Variants in FANCI observed in about 807,000 individuals in gnomAD.
FANCI encodes the protein FA complementation group I.
FANCI carries 156 observed loss-of-function variants against 176.1 expected under a neutral mutation model. The ratio of observed to expected loss-of-function variants is 0.89; its 90% CI spans 0.78 to 1.01. The LOEUF (loss-of-function observed/expected upper bound fraction) is 1.01. Among genes scored for constraint, FANCI ranks in the 50% least tolerant of loss-of-function variants. The pLI, the probability that FANCI is intolerant of heterozygous loss-of-function variation, is 0.00. For synonymous variants in FANCI, 613 were observed against 541.7 expected, an observed-to-expected ratio of 1.13 and a Z score of -1.83; for missense variants, 1,678 against 1,534.1, an observed-to-expected ratio of 1.09 and a Z score of -1.57.
intron 9 of FANCI, among the ~76,000 whole-genome samples, chr15:89,264,950 G>T (rs2052876144): frequency 6.6e-6 from 1 of 152,162 alleles, no homozygotes; most frequent in Admixed American, 6.5e-5. Flanking sequence ...GTGAGAAGAG[G>T]AAAGAAAATA....
chr15:89,283,880 A>T (rs1006569197), intron 17 of FANCI, among the ~76,000 whole-genome samples: 1 of 151,540 alleles, frequency 6.6e-6, no homozygotes, highest in Admixed American at 6.6e-5. Context: ...CTCCTGCCTC[A>T]GCCTCCCGAG....
chr15:89,258,113 T>A (rs2052574244), intron 2 of FANCI, among the ~76,000 whole-genome samples: 1 of 152,182 alleles, frequency 6.6e-6, no homozygotes, highest in African/African-American at 2.4e-5. Context: ...ATATGCCAAG[T>A]TCTTTGCTGC....
chr15:89,258,253 C>A (rs1333888868), intron 2 of FANCI, among the ~76,000 whole-genome samples: 1 of 152,162 alleles, frequency 6.6e-6, no homozygotes, highest in African/African-American at 2.4e-5. Flanking sequence ...CTTCCCCTTA[C>A]TACCCTAGAG....
chr15:89,293,037 A>C lies in FANCI; in HGVS notation c.2265A>C (p.Glu755Asp). 1 of 1,613,872 alleles carries C rather than the reference A, an allele frequency of 6.2e-7. No individual in the cohort carries two copies. Among genetic ancestry groups the C allele is most frequent in the Non-Finnish European group, 8.5e-7 (1 of 1,179,910 alleles). ...TGGGAGTTTGTGAGGTTTTAATAGA[A>C]TACAATTTCTCCATAAGTAGTTTCA... ...LVMGVCEVLIEYNFSISSFSK... is the reference protein window; with the variant it reads ...LVMGVCEVLIDYNFSISSFSK... Residue 755 changes from glutamate (E) to aspartate (D), a missense_variant, in exon 22 of 38, where the codon GAA (glutamate) becomes GAC (aspartate). Around this residue, in one of 3 missense-constraint regions of FANCI, gnomAD observed 1,204 missense variants for 1,077.4 expected, o/e 1.12. Transcript: ENST00000310775.
At chr15:89,297,708 C>A (rs1388899924) in intron 24 of FANCI, among the ~76,000 whole-genome samples, 2 of 150,290 alleles carry the variant, frequency 1.3e-5, no homozygotes, top group Admixed American at 6.6e-5. Flanking sequence ...GCAGTACAGT[C>A]CAGCTTTGGC....
intron 18 of FANCI, among the ~76,000 whole-genome samples, chr15:89,285,669 A>ATATTT (rs1168395078): frequency 6.6e-6 from 1 of 152,170 alleles, no homozygotes; most frequent in Admixed American, 6.5e-5. Flanking sequence ...TAGACCTTAA[A>ATATTT]TATTTTATTT....
chr15:89,274,802 G>A (rs750281080), intron 12 of FANCI, among the ~76,000 whole-genome samples: 11 of 151,558 alleles, frequency 7.3e-5, no homozygotes, highest in Admixed American at 2.0e-4. Flanking sequence ...ACAGAGTTTC[G>A]CCATATTGCC....
chr15:89,303,654 T>TC (rs1248409753), intron 27 of FANCI, among the ~76,000 whole-genome samples: 2 of 152,226 alleles, frequency 1.3e-5, no homozygotes, highest in Non-Finnish European at 2.9e-5. Context: ...GACATAGACA[T>TC]TGAGAATTAA....
chr15:89,275,165 T>G (rs1405519172), intron 12 of FANCI, among the ~76,000 whole-genome samples: 1 of 145,918 alleles, frequency 6.9e-6, no homozygotes, highest in Non-Finnish European at 1.5e-5. Flanking sequence ...TGGGCTCAAC[T>G]GATCCTCCTG....
Position 89,316,983 on chromosome 15 carries a change from T to C in FANCI, c.*524T>C. ...AATGTTACATGTTAGGAGGGTCTGTTTTCTTTTTATATAAGTGTGTCTTAG... is the reference window on the plus strand; with the variant it reads ...AATGTTACATGTTAGGAGGGTCTGTCTTCTTTTTATATAAGTGTGTCTTAG... On this transcript the variant is annotated 3_prime_UTR_variant, in exon 38 of 38. Coordinates refer to ENST00000310775, the MANE Select transcript of FANCI (RefSeq NM_001113378.2). 1.5e-6 allele frequency: 1 copy of C among 670,796 alleles called. No homozygotes were observed. The highest frequency in any genetic ancestry group is 2.7e-6 in the Non-Finnish European group (1 of 370,330). The allele number at this position is 670,796 out of a possible 1,614,324, so 41.6% of individuals were successfully genotyped here. A position where few individuals can be genotyped will look rare whatever the true frequency, so the allele number is the denominator to read the frequency against.
intron 14 of FANCI, among the ~76,000 whole-genome samples, chr15:89,279,832 C>T (rs1469720654): frequency 1.3e-5 from 2 of 152,186 alleles, no homozygotes; most frequent in Non-Finnish European, 2.9e-5. Flanking sequence ...CCCAACCTCA[C>T]ATCCAGTGTC....
At chr15:89,283,056 C>A in intron 16 of FANCI, 80 bp from the exon 17 acceptor site, 2 of 1,370,070 alleles carry the variant, frequency 1.5e-6, no homozygotes, top group Non-Finnish European at 2.1e-6. Context: ...TCTCTGTATG[C>A]AACTAGCTGG....
rs547531636 is a variant in FANCI at position 89,279,234 on chromosome 15, T to C, written c.1381+460T>C. Among the ~76,000 whole-genome samples, 6 of 152,272 alleles carry C rather than the reference T, an allele frequency of 3.9e-5. No individual in the cohort carries two copies. The South Asian group carries it at 1.2e-3, about 32-fold the overall frequency. ...GTGCAGTGGCGCAATCTCAGCTCACTGCAACCTCTGCCTCCTGGGTTCACG... is the reference window on the plus strand; with the variant it reads ...GTGCAGTGGCGCAATCTCAGCTCACCGCAACCTCTGCCTCCTGGGTTCACG... On this transcript the variant is annotated intron_variant, in intron 14 of 37. Coordinates refer to ENST00000310775, the MANE Select transcript of FANCI (RefSeq NM_001113378.2).
chr15:89,284,766 C>A (rs2053751952), intron 17 of FANCI, among the ~76,000 whole-genome samples: 1 of 152,168 alleles, frequency 6.6e-6, no homozygotes, highest in African/African-American at 2.4e-5. Flanking sequence ...AAGTCTTAGA[C>A]CTTTTAAATA....
intron 2 of FANCI, among the ~76,000 whole-genome samples, chr15:89,250,436 T>C (rs1279260332): frequency 6.6e-6 from 1 of 151,096 alleles, no homozygotes; most frequent in Non-Finnish European, 1.5e-5. Context: ...CAGCAAACTA[T>C]CGCAAGGACA....
chr15:89,281,802 T>G lies in FANCI; in HGVS notation c.1550T>G (p.Leu517Trp), dbSNP rs2053624886. Residue 517 changes from leucine (L) to tryptophan (W), a missense_variant, in exon 16 of 38, where the codon TTG becomes TGG. By Grantham distance (61) the Leu-to-Trp change is moderately conservative. This residue lies in a region of FANCI where 1,204 missense variants were observed against 1,077.4 expected (regional missense o/e 1.12). Transcript: ENST00000310775. Reference sequence around the variant, plus strand: ...GTCAGCATGTCAATGAGAGACTGCTTGATACTTGTCCTTCGGAAAGCTATG... The same window carrying G: ...GTCAGCATGTCAATGAGAGACTGCTGGATACTTGTCCTTCGGAAAGCTATG... ...LKVSMSMRDC[L>W]ILVLRKAMFA... 6.2e-7 allele frequency: 1 copy of G among 1,613,836 alleles called. No homozygotes were observed. Among genetic ancestry groups the G allele is most frequent in the African/African-American group, 1.3e-5 (1 of 74,924 alleles).
chr15:89,276,425 C>G (rs1375239868), intron 12 of FANCI, among the ~76,000 whole-genome samples: 1 of 152,212 alleles, frequency 6.6e-6, no homozygotes, highest in Non-Finnish European at 1.5e-5. Context: ...ATGAACTTCT[C>G]ATCATGAAAT....
Position 89,247,738 on chromosome 15 carries a change from A to G in FANCI, c.84+7A>G. 6.2e-7 allele frequency: 1 copy of G among 1,612,322 alleles called. No individual in the cohort carries two copies. Among genetic ancestry groups the G allele is most frequent in the Non-Finnish European group, 8.5e-7 (1 of 1,178,472 alleles). ...AACCCTGAGAGAAGGTGATGTGAGTATTAGGAAGCATGTTCTGCTAAAAGT... is the reference window on the plus strand; with the variant it reads ...AACCCTGAGAGAAGGTGATGTGAGTGTTAGGAAGCATGTTCTGCTAAAAGT... On this transcript the variant is annotated splice_region_variant and intron_variant, in intron 2 of 37. Coordinates refer to ENST00000310775, the MANE Select transcript of FANCI (RefSeq NM_001113378.2).
intron 10 of FANCI, among the ~76,000 whole-genome samples, chr15:89,271,341 A>C (rs1431317289): frequency 1.3e-5 from 2 of 152,160 alleles, no homozygotes; most frequent in Non-Finnish European, 2.9e-5. Context: ...GGTAACCACT[A>C]ATCTACTTTC....
Sources: allele counts gnomAD v4.1 joint callset (sites outside exome capture counted in the v4.1 genomes callset), GRCh38; gene constraint gnomAD v4.1.1; regional missense constraint gnomAD v4.1.1; transcripts MANE v1.5; gene names NCBI Gene and HGNC (gene_info 2026-07-23, HGNC 2026-07-21).